Variants in ABCC3 observed in about 807,000 individuals in gnomAD.
ABCC3 encodes the protein ATP-binding cassette sub-family C member 3.
In ABCC3, 121 loss-of-function variants were observed where a neutral mutation model predicts 165.3. The ratio of observed to expected loss-of-function variants is 0.73; its 90% CI spans 0.63 to 0.85. The LOEUF is 0.85. ABCC3 is among the 40% of genes least tolerant of loss of function. The pLI is 0.00. For missense variants in ABCC3, 1,869 were observed against 1,964.1 expected (o/e 0.95, Z 0.92); for synonymous variants, 733 against 810.1 (o/e 0.90, Z 1.62).
At chr17:50,637,442 A>G (rs907580404) in intron 1 of ABCC3, among the ~76,000 whole-genome samples, 4 of 152,114 alleles carry the variant, frequency 2.6e-5, no homozygotes, top group African/African-American at 9.7e-5. Flanking sequence ...TCTCATTTGC[A>G]TGGTGTATTA....
chr17:50,684,708 G>C lies in ABCC3; in HGVS notation c.4114-1G>C, dbSNP rs745374089. On this transcript the variant is annotated splice_acceptor_variant, in intron 28 of 30. Transcript: ENST00000285238. LOFTEE classifies it high-confidence loss of function. ...CCTCTGAGGCCACGTTGTATCCCCA[G>C]GACCCCATCCTGTTCTCGGGGACCC... 1 of 1,613,698 alleles carries C rather than the reference G, an allele frequency of 6.2e-7. No homozygotes were observed. The highest frequency in any genetic ancestry group is 1.1e-5 in the South Asian group (1 of 91,020).
chr17:50,652,000 A>G (rs1304266155), intron 1 of ABCC3, among the ~76,000 whole-genome samples: 2 of 152,218 alleles, frequency 1.3e-5, no homozygotes, highest in African/African-American at 4.8e-5. Flanking sequence ...TTTCAGTCAA[A>G]CCAACAATAT....
At chr17:50,676,947 C>T (rs557611837) in intron 23 of ABCC3, among the ~76,000 whole-genome samples, 5 of 151,624 alleles carry the variant, frequency 3.3e-5, no homozygotes, top group East Asian at 1.9e-4. Context: ...TGCAGCTGCA[C>T]GATCTCAGCT....
Position 50,675,929 on chromosome 17 carries a change from G to A in ABCC3, c.2906G>A (p.Cys969Tyr). The stretch of plus-strand genomic sequence containing the variant: ...GATTATGCCAAGGCCGTGGGGCTCT[G>A]TACCACGCTGGCCATCTGTCTCCTG... Reference protein sequence around the residue: ...FWDYAKAVGLCTTLAICLLYV... With the variant: ...FWDYAKAVGLYTTLAICLLYV... The change falls in exon 22 of 31, where the codon TGT becomes TAT. Residue 969 changes from cysteine (C) to tyrosine (Y), a missense_variant. Transcript: ENST00000285238. 1 of 1,614,186 alleles carries A rather than the reference G, an allele frequency of 6.2e-7. No homozygotes were observed. Among genetic ancestry groups the A allele is most frequent in the Non-Finnish European group, 8.5e-7 (1 of 1,180,040 alleles).
At position 50,644,164 on chromosome 17, in the gene ABCC3, A is replaced by G. The variant is rs186319923; in HGVS notation, c.45+9183A>G. 4.1e-3 allele frequency among the ~76,000 whole-genome samples: 622 copies of G among 151,734 alleles called. 4 individuals carry two copies. The highest frequency in any genetic ancestry group is 0.014 in the African/African-American group (576 of 41,330). On this transcript the variant is annotated intron_variant, in intron 1 of 30. Transcript: ENST00000285238. ...CGTCTCTACTAAAAATACAAAAATT[A>G]GCTGGGCGTGGTGGCGGGCATCTGT...
chr17:50,645,690 T>C (rs973124865), intron 1 of ABCC3, among the ~76,000 whole-genome samples: 11 of 152,072 alleles, frequency 7.2e-5, no homozygotes, highest in Non-Finnish European at 1.3e-4. Context: ...AGCAACAAAC[T>C]CCCGGGCTCA....
At chr17:50,653,305 C>T (rs1357405352) in intron 1 of ABCC3, among the ~76,000 whole-genome samples, 3 of 133,800 alleles carry the variant, frequency 2.2e-5, no homozygotes, top group Admixed American at 8.3e-5. Context: ...GAGATCACGC[C>T]ATTACACTCC....
chr17:50,664,292 C>T (rs568311604), intron 10 of ABCC3, 181 bp downstream of exon 10: 7 of 711,398 alleles, frequency 9.8e-6, no homozygotes, highest in East Asian at 2.7e-5. Flanking sequence ...ATTGTGCCTG[C>T]GAATAGCCAC....
chr17:50,669,105 GC>G, intron 15 of ABCC3, 34 bp from the exon 16 acceptor site: 1 of 1,587,926 alleles, frequency 6.3e-7, no homozygotes. Flanking sequence ...CCTGATCCCT[GC>G]CTCTAACTGG....
chr17:50,682,224 A>G (rs927650128), intron 26 of ABCC3, among the ~76,000 whole-genome samples: 4 of 151,910 alleles, frequency 2.6e-5, no homozygotes, highest in African/African-American at 9.7e-5. Context: ...TCATTCTTCA[A>G]CAAGAAGCCT....
intron 1 of ABCC3, among the ~76,000 whole-genome samples, chr17:50,639,460 A>T (rs1045558160): frequency 6.2e-4 from 95 of 152,212 alleles, no homozygotes; most frequent in African/African-American, 2.2e-3. Flanking sequence ...CAGACAGGGA[A>T]ATGGTCTTGA....
intron 1 of ABCC3, among the ~76,000 whole-genome samples, chr17:50,649,885 CT>C (rs1457894523): frequency 1.3e-5 from 2 of 152,154 alleles, no homozygotes; most frequent in African/African-American, 4.8e-5. Context: ...GTAGAAAAAG[CT>C]TAGCTGTTTT....
chr17:50,655,689 A>C (rs370621836), intron 1 of ABCC3, 143 bp from the exon 2 acceptor site: 2 of 684,950 alleles, frequency 2.9e-6, no homozygotes. Context: ...ACAACTGCTC[A>C]TTTGTGTACT....
At position 50,673,628 on chromosome 17, in the gene ABCC3, G is replaced by A. The variant is rs1361744148; in HGVS notation, c.2569G>A (p.Asp857Asn). 1 of 1,614,160 alleles carries A rather than the reference G, an allele frequency of 6.2e-7. No individual in the cohort carries two copies. The highest frequency in any genetic ancestry group is 1.1e-5 in the South Asian group (1 of 91,080). The change falls in exon 19 of 31, where the codon GAC (aspartate) becomes AAC (asparagine). Residue 857 changes from aspartate (D) to asparagine (N), a missense_variant. Coordinates refer to ENST00000285238, the MANE Select transcript of ABCC3 (RefSeq NM_003786.4). ...TCTCTGCAACTATGCCCCCGATGAG[G>A]ACCAAGGGCACCTGGAGGACAGCTG... ...NFLCNYAPDE[D>N]QGHLEDSWTA...
Position 50,682,769 on chromosome 17 carries a change from C to G in ABCC3, c.3808-841C>G, listed in dbSNP as rs76680583. On this transcript the variant is annotated intron_variant, in intron 26 of 30. Coordinates refer to ENST00000285238, the MANE Select transcript of ABCC3 (RefSeq NM_003786.4). ...GATTATATGCCTCCCTCTACTAGAACATAAATCTCACGAGGGTGAGGACTG... is the reference window on the plus strand; with the variant it reads ...GATTATATGCCTCCCTCTACTAGAAGATAAATCTCACGAGGGTGAGGACTG... Among the ~76,000 whole-genome samples, 1,907 of 152,312 alleles carry G rather than the reference C, an allele frequency of 0.013. 118 individuals are homozygous for G. The East Asian group carries it at 0.19, about 15-fold the overall frequency.
At chr17:50,681,761 C>T (rs947702057) in intron 26 of ABCC3, among the ~76,000 whole-genome samples, 7 of 152,144 alleles carry the variant, frequency 4.6e-5, no homozygotes, top group Admixed American at 2.0e-4. Context: ...TTTCTGTTCT[C>T]GTCTAATTCA....
Position 50,655,814 on chromosome 17 carries a change from T to C in ABCC3, c.46-18T>C, listed in dbSNP as rs1434801680. On this transcript the variant is annotated intron_variant, in intron 1 of 30. Transcript: ENST00000285238. Reference sequence around the variant, plus strand: ...CTGTGGGGCTGCCACAGCACTAAACTGTTCTCTGTGTCCCCAGGACTCCAA... The same window carrying C: ...CTGTGGGGCTGCCACAGCACTAAACCGTTCTCTGTGTCCCCAGGACTCCAA... 9 of 1,613,162 alleles carry C rather than the reference T, an allele frequency of 5.6e-6. No homozygotes were observed. The highest frequency in any genetic ancestry group is 6.8e-6 in the Non-Finnish European group (8 of 1,179,422).
intron 29 of ABCC3, among the ~76,000 whole-genome samples, chr17:50,686,358 A>G (rs547671257): frequency 1.3e-5 from 2 of 151,944 alleles, no homozygotes; most frequent in Non-Finnish European, 1.5e-5. Flanking sequence ...CAGAGCGGGG[A>G]CTCTGGCTCT....
At chr17:50,639,534 G>A (rs1879669142) in intron 1 of ABCC3, among the ~76,000 whole-genome samples, 1 of 152,194 alleles carries the variant, frequency 6.6e-6, no homozygotes, top group African/African-American at 2.4e-5. Flanking sequence ...CCACCCCGGA[G>A]TAGGGCCAGA....
Sources: allele counts gnomAD v4.1 joint callset (sites outside exome capture counted in the v4.1 genomes callset), GRCh38; gene constraint gnomAD v4.1.1; transcripts MANE v1.5; gene names NCBI Gene and HGNC (gene_info 2026-07-23, HGNC 2026-07-21).